ABHD12: variants seen among roughly 807,000 people sequenced by gnomAD.
The protein encoded by ABHD12 is abhydrolase domain containing 12, lysophospholipase.
Under a neutral mutation model 58.3 loss-of-function variants are expected in ABHD12, and 43 were observed. The observed-to-expected ratio is 0.74, with a 90% CI of 0.58 to 0.95. The LOEUF is 0.95. Among genes scored for constraint, ABHD12 ranks in the 40% least tolerant of loss-of-function variants. The pLI is 0.00. For missense variants in ABHD12, 539 were observed against 537.2 expected (o/e 1.00, Z -0.03); for synonymous variants, 219 against 211.2 (o/e 1.04, Z -0.32).
chr20:25,357,016 C>G (rs1243618805), intron 1 of ABHD12, among the ~76,000 whole-genome samples: 1 of 152,112 alleles, frequency 6.6e-6, no homozygotes, highest in African/African-American at 2.4e-5. Flanking sequence ...AAATAGGTCT[C>G]CTCAGAGGTT....
chr20:25,321,049 T>TA (rs1332306554), intron 3 of ABHD12, among the ~76,000 whole-genome samples: 21 of 152,310 alleles, frequency 1.4e-4, no homozygotes, highest in South Asian at 6.2e-4. Context: ...CAAGAATCTT[T>TA]AAAAAAATTT....
rs2089430356 is a variant in ABHD12 at position 25,339,731 on chromosome 20, G to A, written c.192-380C>T. 5.6e-5 allele frequency: 76 copies of A among 1,348,822 alleles called. 3 individuals are homozygous for A. In the South Asian group the frequency reaches 7.6e-4, roughly 13 times the overall value. 83.6% of individuals were successfully genotyped at this position (1,348,822 alleles called of 1,614,324 possible). On this transcript the variant is annotated intron_variant, in intron 1 of 12. Coordinates refer to ENST00000339157, the MANE Select transcript of ABHD12 (RefSeq NM_001042472.3). ...AAAGAGCGGCCTCCTCAGGCCTCCC[G>A]ATCCGTCTTCTGTGAGACAACTGCA...
chr20:25,299,414 C>T (rs1309193287), downstream of ABHD12, among the ~76,000 whole-genome samples: 1 of 151,994 alleles, frequency 6.6e-6, no homozygotes, highest in African/African-American at 2.4e-5. Context: ...ACAAAAAACC[C>T]ACCAGGAGCT....
rs754704976 is a variant in ABHD12, at chr20:25,390,493, C to A, written c.191+20G>T. The A allele has an allele frequency of 4.8e-5, 65 of 1,345,126 alleles. 6 individuals are homozygous for A. The African/African-American group carries it at 9.1e-4, about 19-fold the overall frequency. 83.3% of individuals were successfully genotyped at this position (1,345,126 alleles called of 1,614,324 possible). A position where few individuals can be genotyped will look rare whatever the true frequency, so the allele number is the denominator to read the frequency against. On this transcript the variant is annotated intron_variant, in intron 1 of 12. Transcript: ENST00000339157. Reference sequence around the variant, plus strand: ...GAGGGACCGGCCCCCCCCCCCCCCCCGCTCCGCGCGAAGCCTCACCTGCCC... The same window carrying A: ...GAGGGACCGGCCCCCCCCCCCCCCCAGCTCCGCGCGAAGCCTCACCTGCCC...
chr20:25,309,395 A>G, intron 7 of ABHD12, 51 bp downstream of exon 7: 2 of 1,612,854 alleles, frequency 1.2e-6, no homozygotes, highest in Non-Finnish European at 1.7e-6. Context: ...CATGGGAGTC[A>G]CCAGGAATAC....
chr20:25,363,302 T>C (rs2089777865), intron 1 of ABHD12, among the ~76,000 whole-genome samples: 1 of 147,534 alleles, frequency 6.8e-6, no homozygotes, highest in African/African-American at 2.5e-5. Context: ...CACCACAACC[T>C]CCGCCTCCCA....
In ABHD12 at chr20:25,387,589, T is replaced by TAAAAA. The variant is rs779293077; in HGVS notation, c.191+2923_191+2924insTTTTT. Among the ~76,000 whole-genome samples the TAAAAA allele has an allele frequency of 3.2e-4, 27 of 85,248 alleles. 4 individuals carry two copies. The highest frequency in any genetic ancestry group is 7.5e-4 in the East Asian group (1 of 1,328). 55.9% of individuals were successfully genotyped at this position (85,248 alleles called of 152,430 possible). ...GCAACATAGTGAGACTTCATCTCTA[T>TAAAAA]TAAAAAAAAAAAAAAAAAATTAACC... is the stretch of plus-strand genomic sequence containing the variant. On this transcript the variant is annotated intron_variant, in intron 1 of 12. Coordinates refer to ENST00000339157, the MANE Select transcript of ABHD12 (RefSeq NM_001042472.3).
intron 1 of ABHD12, among the ~76,000 whole-genome samples, chr20:25,388,499 T>C (rs1374477602): frequency 6.6e-6 from 1 of 152,040 alleles, no homozygotes. Context: ...GAGGAGGTGA[T>C]GGTGGCGCAG....
chr20:25,339,066 C>G (rs1319501633), intron 2 of ABHD12, 161 bp downstream of exon 2: 2 of 1,396,126 alleles, frequency 1.4e-6, no homozygotes, highest in African/African-American at 2.9e-5. Context: ...CTATCTATCT[C>G]TAAAGATATA....
chr20:25,367,966 G>A (rs2089846271), intron 1 of ABHD12, among the ~76,000 whole-genome samples: 1 of 152,200 alleles, frequency 6.6e-6, no homozygotes, highest in Non-Finnish European at 1.5e-5. Context: ...TTTTTAAAGA[G>A]ACAGCCATAT....
At chr20:25,322,381 A>ATTTTTTTTTTT (rs199757666) in intron 3 of ABHD12, among the ~76,000 whole-genome samples, 8 of 59,262 alleles carry the variant, frequency 1.3e-4, no homozygotes, top group Admixed American at 2.1e-4. Flanking sequence ...ATATATATAT[A>ATTTTTTTTTTT]TTTTTTTTTT....
At chr20:25,382,432 G>C (rs1031854593) in intron 1 of ABHD12, among the ~76,000 whole-genome samples, 1 of 152,100 alleles carries the variant, frequency 6.6e-6, no homozygotes, top group Non-Finnish European at 1.5e-5. Flanking sequence ...TCATCTCTGG[G>C]TGAAGAGCAT....
At chr20:25,329,609 C>T (rs1444241020) in intron 2 of ABHD12, among the ~76,000 whole-genome samples, 1 of 152,204 alleles carries the variant, frequency 6.6e-6, no homozygotes, top group Non-Finnish European at 1.5e-5. Context: ...TTTTAGCTCA[C>T]CTGCAAAATA....
At chr20:25,379,228 G>A (rs2089994581) in intron 1 of ABHD12, among the ~76,000 whole-genome samples, 1 of 152,190 alleles carries the variant, frequency 6.6e-6, no homozygotes, top group African/African-American at 2.4e-5. Flanking sequence ...AGCAGGTCGT[G>A]ACTGAAATGA....
chr20:25,317,140 T>C (rs2088978248), intron 4 of ABHD12, 62 bp from the exon 5 acceptor site: 2 of 1,216,174 alleles, frequency 1.6e-6, no homozygotes, highest in Non-Finnish European at 2.4e-6. Context: ...CCAGGTCAAC[T>C]TGTCCTCCAT....
At chr20:25,344,043 C>A (rs1198527021) in intron 1 of ABHD12, among the ~76,000 whole-genome samples, 1 of 152,030 alleles carries the variant, frequency 6.6e-6, no homozygotes, top group East Asian at 1.9e-4. Context: ...AATAGATGCA[C>A]AAAAAGCATG....
intron 1 of ABHD12, among the ~76,000 whole-genome samples, chr20:25,341,368 G>A (rs1221840960): frequency 6.6e-6 from 1 of 152,216 alleles, no homozygotes; most frequent in Non-Finnish European, 1.5e-5. Flanking sequence ...TTAACTAGAT[G>A]ATGGGGAAAA....
chr20:25,297,382 C>G (rs1473794474), downstream of ABHD12: 1 of 152,462 alleles, frequency 6.6e-6, no homozygotes. Context: ...CTTGAGGAGG[C>G]CCATTTTCTG....
intron 1 of ABHD12, among the ~76,000 whole-genome samples, chr20:25,378,697 CTTTTTTT>C (rs10617181): frequency 1.4e-5 from 2 of 139,656 alleles, no homozygotes; most frequent in African/African-American, 2.7e-5. Context: ...ATAATTTGAA[CTTTTTTT>C]TTTTTTTTTT....
Sources: gnomAD v4.1 joint callset for allele counts (sites outside exome capture counted in the v4.1 genomes callset) on GRCh38, gnomAD v4.1.1 for gene constraint, MANE v1.5 for transcripts, NCBI Gene and HGNC (gene_info 2026-07-23, HGNC 2026-07-21) for gene names.